Variants in BBOX1 observed in about 807,000 individuals in gnomAD.
BBOX1 encodes gamma-butyrobetaine hydroxylase 1.
Under a neutral mutation model 41.6 loss-of-function variants are expected in BBOX1, and 35 were observed. The observed-to-expected ratio is 0.84, with a 90% CI of 0.64 to 1.11. BBOX1 has a LOEUF of 1.11. Among genes scored for constraint, BBOX1 ranks in the 50% most tolerant of loss-of-function variants. The pLI is 0.00. For missense variants in BBOX1, 458 were observed against 460.6 expected, an observed-to-expected ratio of 0.99 and a Z score of 0.05; for synonymous variants, 163 against 154.7, an observed-to-expected ratio of 1.05 and a Z score of -0.40.
intron 3 of BBOX1, among the ~76,000 whole-genome samples, chr11:27,056,285 T>G (rs1278698009): frequency 6.6e-6 from 1 of 152,218 alleles, no homozygotes; most frequent in Non-Finnish European, 1.5e-5. Context: ...TGAGATGGAA[T>G]CTTGCTCTGT....
intron 5 of BBOX1, among the ~76,000 whole-genome samples, chr11:27,100,821 T>C (rs1858620660): frequency 6.6e-6 from 1 of 152,032 alleles, no homozygotes; most frequent in East Asian, 1.9e-4. Flanking sequence ...ATTAAGGCAA[T>C]TGCTTTTCAA....
At chr11:27,098,259 G>T (rs1858516072) in intron 5 of BBOX1, among the ~76,000 whole-genome samples, 1 of 151,854 alleles carries the variant, frequency 6.6e-6, no homozygotes, top group Non-Finnish European at 1.5e-5. Context: ...ATCCTCTGCA[G>T]CGCTACAGTA....
intron 4 of BBOX1, among the ~76,000 whole-genome samples, chr11:27,072,980 A>T (rs974453483): frequency 2.0e-5 from 3 of 152,176 alleles, no homozygotes; most frequent in Admixed American, 6.5e-5. Context: ...AACCTAGGCA[A>T]TACCATTCAG....
At chr11:27,070,516 C>G (rs1857409678) in intron 4 of BBOX1, among the ~76,000 whole-genome samples, 1 of 151,928 alleles carries the variant, frequency 6.6e-6, no homozygotes, top group Non-Finnish European at 1.5e-5. Flanking sequence ...TATAATGACC[C>G]TCTTTCTTTT....
At chr11:27,095,402 T>C (rs1858405102) in intron 5 of BBOX1, among the ~76,000 whole-genome samples, 1 of 151,958 alleles carries the variant, frequency 6.6e-6, no homozygotes, top group African/African-American at 2.4e-5. Context: ...GCAGGTCCTA[T>C]AAAAGGGCTT....
intron 5 of BBOX1, among the ~76,000 whole-genome samples, chr11:27,101,916 C>A (rs1014413561): frequency 6.6e-6 from 1 of 151,994 alleles, no homozygotes; most frequent in African/African-American, 2.4e-5. Flanking sequence ...CTATTGTCAC[C>A]ATGCTGTTCT....
intron 5 of BBOX1, among the ~76,000 whole-genome samples, chr11:27,103,422 T>A (rs1423980484): frequency 6.6e-6 from 1 of 152,166 alleles, no homozygotes; most frequent in Non-Finnish European, 1.5e-5. Flanking sequence ...TGAGGACTCC[T>A]GTTAAGTATA....
chr11:27,059,737 A>G (rs1857083643), intron 4 of BBOX1, among the ~76,000 whole-genome samples: 1 of 152,182 alleles, frequency 6.6e-6, no homozygotes, highest in Non-Finnish European at 1.5e-5. Flanking sequence ...GTCAAAGGAG[A>G]TAATTTTGGA....
Position 27,118,638 on chromosome 11 carries a change from TACATGACAGGCATG to T in BBOX1, c.640-1010_640-997del, listed in dbSNP as rs879554384. Reference sequence around the variant, plus strand: ...TCATATGAAGTAAAATTGGGTTTTATACATGACAGGCATGTATTTGCGTTTTAACCTAGCAATAA... The same window carrying T: ...TCATATGAAGTAAAATTGGGTTTTATTATTTGCGTTTTAACCTAGCAATAA... On this transcript the variant is annotated intron_variant, in intron 6 of 8. Coordinates refer to ENST00000263182, the MANE Select transcript of BBOX1 (RefSeq NM_003986.3). Among the ~76,000 whole-genome samples, 185 of 152,116 alleles carry T rather than the reference TACATGACAGGCATG, an allele frequency of 1.2e-3. 1 individual carries two copies. Among genetic ancestry groups the T allele is most frequent in the South Asian group, 9.3e-3 (45 of 4,820 alleles).
At chr11:27,093,878 C>A (rs7124528) in intron 5 of BBOX1, among the ~76,000 whole-genome samples, 92,260 of 151,708 alleles carry the variant, frequency 0.61, 30,276 homozygotes, top group East Asian at 0.94. Context: ...CCCAGGGCTC[C>A]ATCTCCAAGC....
intron 4 of BBOX1, among the ~76,000 whole-genome samples, chr11:27,076,642 T>C (rs1278268085): frequency 6.6e-6 from 1 of 152,130 alleles, no homozygotes; most frequent in African/African-American, 2.4e-5. Flanking sequence ...CCCAAAACTT[T>C]CTGTCCATTG....
At chr11:27,075,913 G>C (rs533308444) in intron 4 of BBOX1, among the ~76,000 whole-genome samples, 1 of 152,300 alleles carries the variant, frequency 6.6e-6, no homozygotes, top group South Asian at 2.1e-4. Flanking sequence ...TGAGCACAAG[G>C]GCTGCCTGAC....
intron 4 of BBOX1, among the ~76,000 whole-genome samples, chr11:27,064,222 G>T (rs758826386): frequency 1.3e-5 from 2 of 151,328 alleles, no homozygotes; most frequent in Admixed American, 1.3e-4. Flanking sequence ...TTCAAGCTGC[G>T]TTAGGATGTC....
At chr11:27,079,744 C>T (rs757099020) in intron 4 of BBOX1, among the ~76,000 whole-genome samples, 14 of 152,012 alleles carry the variant, frequency 9.2e-5, no homozygotes, top group African/African-American at 1.7e-4. Context: ...AAAAATTAAC[C>T]GTTGCTGGGA....
intron 5 of BBOX1, among the ~76,000 whole-genome samples, chr11:27,112,725 C>T (rs1859116225): frequency 6.6e-6 from 1 of 151,802 alleles, no homozygotes; most frequent in African/African-American, 2.4e-5. Context: ...CTAGGAAATA[C>T]CATTCTAGAC....
chr11:27,047,935 C>T (rs1200765864), intron 2 of BBOX1, among the ~76,000 whole-genome samples: 2 of 152,114 alleles, frequency 1.3e-5, no homozygotes, highest in Admixed American at 1.3e-4. Context: ...ACAATTAAAA[C>T]TAATAATCTT....
chr11:27,043,521 T>C (rs1851404663), intron 2 of BBOX1, among the ~76,000 whole-genome samples: 3 of 149,544 alleles, frequency 2.0e-5, no homozygotes, highest in Non-Finnish European at 4.5e-5. Context: ...ACGCGTCATC[T>C]ACATTGAATA....
intron 4 of BBOX1, among the ~76,000 whole-genome samples, chr11:27,072,861 T>A (rs1304199875): frequency 1.3e-5 from 2 of 152,186 alleles, no homozygotes; most frequent in East Asian, 1.9e-4. Context: ...GAAAACTGGC[T>A]AGCCATATGC....
At chr11:27,114,018 C>T (rs149137008) in intron 5 of BBOX1, among the ~76,000 whole-genome samples, 1 of 151,578 alleles carries the variant, frequency 6.6e-6, no homozygotes, top group African/African-American at 2.4e-5. Flanking sequence ...TAAAATCCAC[C>T]CAAAAAAAGC....
Sources: gnomAD v4.1 joint callset for allele counts (sites outside exome capture counted in the v4.1 genomes callset) on GRCh38, gnomAD v4.1.1 for gene constraint, MANE v1.5 for transcripts, NCBI Gene and HGNC (gene_info 2026-07-23, HGNC 2026-07-21) for gene names.